The following PIK3R6 variants were observed in gnomAD, a reference collection of about 807,000 sequenced individuals.
PIK3R6 encodes the protein phosphoinositide 3-kinase regulatory subunit 6.
A neutral mutation model predicts 84.9 loss-of-function variants in PIK3R6; 91 were observed. That is an observed-to-expected ratio of 1.07 (90% CI 0.90 to 1.28). The LOEUF is 1.28. PIK3R6 is among the 50% of genes most tolerant of loss of function. The pLI is 0.00. For missense variants in PIK3R6, 996 were observed against 985.1 expected (o/e 1.01, Z -0.15); for synonymous variants, 416 against 411.4 (o/e 1.01, Z -0.13).
At position 8,803,252 on chromosome 17, in the gene PIK3R6, G is replaced by A; in HGVS notation, c.*21C>T. 1 of 1,611,714 alleles carries A rather than the reference G, an allele frequency of 6.2e-7. No homozygotes were observed. The highest frequency in any genetic ancestry group is 8.5e-7 in the Non-Finnish European group (1 of 1,179,568). Reference sequence around the variant, plus strand: ...GGTGGGGTAGTGTATCCTTCCTCCTGGGCCTGCTGTCCCTGCAGGCTCACT... The same window carrying A: ...GGTGGGGTAGTGTATCCTTCCTCCTAGGCCTGCTGTCCCTGCAGGCTCACT... On this transcript the variant is annotated 3_prime_UTR_variant, in exon 20 of 20. Coordinates refer to ENST00000619866, the MANE Select transcript of PIK3R6 (RefSeq NM_001010855.4). This position sits in a 1 kb window ranked among gnomAD's most constrained non-coding sequence, Gnocchi z 5.0.
At chr17:8,819,295 C>T in intron 17 of PIK3R6, 97 bp from the exon 18 acceptor site, 1 of 831,240 alleles carries the variant, frequency 1.2e-6, no homozygotes, top group Admixed American at 2.8e-5. Context: ...TCTTGACACC[C>T]CCAGCCCTGT....
intron 18 of PIK3R6, among the ~76,000 whole-genome samples, chr17:8,810,549 G>A (rs1232719811): frequency 6.7e-6 from 1 of 148,588 alleles, no homozygotes; most frequent in African/African-American, 2.5e-5. Context: ...TTCTGCTTAT[G>A]AGCCTGTAAA....
At chr17:8,805,110 A>T (rs1489117401) in intron 18 of PIK3R6, among the ~76,000 whole-genome samples, 3 of 152,156 alleles carry the variant, frequency 2.0e-5, no homozygotes, top group African/African-American at 7.2e-5. Context: ...GCCAGCCAGA[A>T]GTCTGTGGAC....
chr17:8,829,033 C>T, intron 10 of PIK3R6, 43 bp from the exon 11 acceptor site: 3 of 1,476,260 alleles, frequency 2.0e-6, no homozygotes, highest in Non-Finnish European at 2.7e-6. Context: ...GTGAGGCTGG[C>T]AGGGCTACGT....
intron 18 of PIK3R6, among the ~76,000 whole-genome samples, chr17:8,812,412 A>G (rs1347426476): frequency 1.3e-5 from 2 of 152,270 alleles, no homozygotes; most frequent in Non-Finnish European, 2.9e-5. Context: ...GACCTAACAG[A>G]CATTTACAGA....
At chr17:8,818,769 G>A (rs982575392) in intron 18 of PIK3R6, among the ~76,000 whole-genome samples, 1 of 152,214 alleles carries the variant, frequency 6.6e-6, no homozygotes. Context: ...TGGCTGTGGT[G>A]TGGTGGCTGG....
intron 18 of PIK3R6, 130 bp from the exon 19 acceptor site, chr17:8,804,283 G>A (rs2087134560): frequency 1.4e-6 from 1 of 721,864 alleles, no homozygotes; most frequent in South Asian, 1.7e-5. Context: ...CCTCCTGCAA[G>A]TGACTGAGGA....
intron 8 of PIK3R6, among the ~76,000 whole-genome samples, chr17:8,834,025 C>G (rs1296198409): frequency 6.6e-6 from 1 of 151,322 alleles, no homozygotes; most frequent in Non-Finnish European, 1.5e-5. Flanking sequence ...GTGTGGTGGC[C>G]GGCGCCTGTA....
intron 3 of PIK3R6, among the ~76,000 whole-genome samples, chr17:8,838,896 A>T (rs2151275298): frequency 2.4e-4 from 1 of 4,156 alleles, no homozygotes; most frequent in South Asian, 5.0e-3. Flanking sequence ...CAGGTGGGAC[A>T]CACCAGTGGG....
intron 1 of PIK3R6, 103 bp from the exon 2 acceptor site, chr17:8,849,988 G>T: frequency 1.7e-6 from 1 of 583,426 alleles, no homozygotes; most frequent in Non-Finnish European, 2.8e-6. Context: ...CTAGCACACT[G>T]GGGGGAAGTC....
chr17:8,833,491 A>C (rs2088333399), intron 8 of PIK3R6, among the ~76,000 whole-genome samples: 1 of 151,846 alleles, frequency 6.6e-6, no homozygotes, highest in African/African-American at 2.4e-5. Context: ...GGGATACAGC[A>C]GCAAACAAAA....
chr17:8,816,496 T>G (rs1324261795), intron 18 of PIK3R6, among the ~76,000 whole-genome samples: 2 of 152,142 alleles, frequency 1.3e-5, no homozygotes, highest in African/African-American at 4.8e-5. Context: ...GATTAGTAGA[T>G]TTTGCAACAT....
At position 8,839,542 on chromosome 17, in the gene PIK3R6, A is replaced by C. The variant is rs2088603936; in HGVS notation, c.97+72T>G. 14 of 1,227,974 alleles carry C rather than the reference A, an allele frequency of 1.1e-5. No homozygotes were observed. Among genetic ancestry groups the C allele is most frequent in the East Asian group, 2.7e-5 (1 of 37,482 alleles). The allele number at this position is 1,227,974 out of a possible 1,614,324, so 76.1% of individuals were successfully genotyped here. Reference sequence around the variant, plus strand: ...GCTCCAGGCCGGGGCTCTTTCCTGTATGCGCGTGTATTGTTGGCTGGGGTT... The same window carrying C: ...GCTCCAGGCCGGGGCTCTTTCCTGTCTGCGCGTGTATTGTTGGCTGGGGTT... On this transcript the variant is annotated intron_variant, in intron 3 of 19. Transcript: ENST00000619866. This position sits in a 1 kb window ranked among gnomAD's most constrained non-coding sequence, Gnocchi z 4.2.
chr17:8,826,722 C>T (rs996190383), intron 13 of PIK3R6, among the ~76,000 whole-genome samples: 1 of 152,064 alleles, frequency 6.6e-6, no homozygotes, highest in African/African-American at 2.4e-5. Flanking sequence ...TGCAGCAAAC[C>T]ACCATGGCAC....
intron 18 of PIK3R6, among the ~76,000 whole-genome samples, chr17:8,816,768 T>TA (rs1253840066): frequency 3.3e-5 from 5 of 152,218 alleles, no homozygotes; most frequent in Admixed American, 3.3e-4. Flanking sequence ...AATCAATCAC[T>TA]ATCTGAATTG....
chr17:8,817,891 T>C (rs566152669), intron 18 of PIK3R6, among the ~76,000 whole-genome samples: 8 of 150,986 alleles, frequency 5.3e-5, no homozygotes, highest in Non-Finnish European at 1.0e-4. Flanking sequence ...GAGAGGTAGT[T>C]GGGTCATGGC....
At chr17:8,848,339 T>A (rs1218345444) in intron 2 of PIK3R6, among the ~76,000 whole-genome samples, 1 of 152,146 alleles carries the variant, frequency 6.6e-6, no homozygotes. Flanking sequence ...ATAAAGTGAG[T>A]GCAAAGTAAG....
rs541657075 is a variant in PIK3R6 at position 8,866,456 on chromosome 17, C to T, written c.-92+1073G>A. Among the ~76,000 whole-genome samples, 8 of 152,216 alleles carry T rather than the reference C, an allele frequency of 5.3e-5. No homozygotes were observed. In the East Asian group the frequency reaches 7.7e-4, roughly 15 times the overall value. On this transcript the variant is annotated intron_variant, in intron 1 of 19. Transcript: ENST00000619866. Reference sequence around the variant, plus strand: ...ACTTGGGAGGCTGAGGCAGGAGAATCGCTTGAACCCAGGAGACGGAGGTTG... The same window carrying T: ...ACTTGGGAGGCTGAGGCAGGAGAATTGCTTGAACCCAGGAGACGGAGGTTG...
chr17:8,822,050 GTCTTT>G, intron 16 of PIK3R6, 114 bp from the exon 17 acceptor site: 1 of 522,362 alleles, frequency 1.9e-6, no homozygotes, highest in Non-Finnish European at 3.2e-6. Context: ...TGCTGTGAGA[GTCTTT>G]TTTTTTTTTT....
Sources: allele counts gnomAD v4.1 joint callset (sites outside exome capture counted in the v4.1 genomes callset), GRCh38; gene constraint gnomAD v4.1.1; non-coding constraint Gnocchi (gnomAD v3.1); transcripts MANE v1.5; gene names NCBI Gene and HGNC (gene_info 2026-07-23, HGNC 2026-07-21).